SHLD2: variants seen among roughly 807,000 people sequenced by gnomAD.
The protein encoded by SHLD2 is shieldin complex subunit 2.
In SHLD2, 30 loss-of-function variants were observed where a neutral mutation model predicts 73.2. The observed-to-expected ratio is 0.41, with a 90% CI of 0.31 to 0.56. The LOEUF is 0.56. Among genes scored for constraint, SHLD2 ranks in the 20% least tolerant of loss-of-function variants. The probability of loss-of-function intolerance (pLI) is 0.28; values close to 1 mark genes in which losing one functional copy is unlikely to be tolerated. For synonymous variants in SHLD2, 285 were observed against 370.1 expected (o/e 0.77, Z 2.64); for missense variants, 745 against 1,055.9 (o/e 0.71, Z 4.08).
At chr10:87,160,543 A>G (rs1215947328) in intron 4 of SHLD2, among the ~76,000 whole-genome samples, 1 of 152,184 alleles carries the variant, frequency 6.6e-6, no homozygotes, top group Non-Finnish European at 1.5e-5. Context: ...ATACTATATC[A>G]ATAAAATAGA....
At chr10:87,146,210 G>C (rs983256133) in intron 2 of SHLD2, among the ~76,000 whole-genome samples, 7 of 152,180 alleles carry the variant, frequency 4.6e-5, no homozygotes, top group African/African-American at 1.7e-4. Context: ...TCAACCCACA[G>C]CCTGTGGGGC....
At chr10:87,169,766 GA>G (rs1309487634) in intron 4 of SHLD2, among the ~76,000 whole-genome samples, 2 of 151,310 alleles carry the variant, frequency 1.3e-5, no homozygotes, top group South Asian at 2.1e-4. Context: ...TAAAAAGTGA[GA>G]AAAAAAATGA....
chr10:87,150,587 C>T (rs7918448), intron 2 of SHLD2, among the ~76,000 whole-genome samples: 102,498 of 150,186 alleles, frequency 0.68, 35,661 homozygotes, highest in Middle Eastern at 0.89. Flanking sequence ...ATGGTGAAAC[C>T]CCGTCTCTAC....
intron 7 of SHLD2, among the ~76,000 whole-genome samples, chr10:87,179,780 C>T (rs1394477582): frequency 2.0e-5 from 3 of 152,118 alleles, no homozygotes; most frequent in East Asian, 1.9e-4. Flanking sequence ...TTCAAGTATT[C>T]GAAGGGATTT....
At chr10:87,117,185 C>T (rs1368385263) in intron 2 of SHLD2, among the ~76,000 whole-genome samples, 2 of 152,174 alleles carry the variant, frequency 1.3e-5, no homozygotes, top group African/African-American at 4.8e-5. Context: ...TTTGGGAGGC[C>T]GAGGTGGGCG....
chr10:87,117,569 A>G (rs1022361703), intron 2 of SHLD2, among the ~76,000 whole-genome samples: 1 of 152,222 alleles, frequency 6.6e-6, no homozygotes, highest in African/African-American at 2.4e-5. Flanking sequence ...CGAGGTGGGC[A>G]GCTGGCTTGA....
chr10:87,156,000 G>C (rs1295644060), intron 3 of SHLD2, among the ~76,000 whole-genome samples: 3 of 151,246 alleles, frequency 2.0e-5, no homozygotes, highest in Admixed American at 2.0e-4. Context: ...ATGAGGCAGT[G>C]AACTTAGTTG....
chr10:87,143,886 C>T (rs1167374572), intron 2 of SHLD2, among the ~76,000 whole-genome samples: 2 of 128,728 alleles, frequency 1.6e-5, no homozygotes, highest in Admixed American at 8.4e-5. Context: ...TTTTTTGTGA[C>T]GGAGTCTCAC....
chr10:87,127,536 C>G (rs1464670374), intron 2 of SHLD2, among the ~76,000 whole-genome samples: 2 of 65,256 alleles, frequency 3.1e-5, no homozygotes, highest in African/African-American at 1.1e-4. Flanking sequence ...CCCGCCCCCC[C>G]CCACCCCGTC....
intron 2 of SHLD2, among the ~76,000 whole-genome samples, chr10:87,130,940 G>A (rs1330148779): frequency 6.6e-6 from 1 of 152,052 alleles, no homozygotes; most frequent in Non-Finnish European, 1.5e-5. Flanking sequence ...GGTGGTGCAC[G>A]CCTGTGGTCC....
intron 2 of SHLD2, among the ~76,000 whole-genome samples, chr10:87,145,867 A>C (rs1589554928): frequency 6.6e-6 from 1 of 152,206 alleles, no homozygotes; most frequent in Non-Finnish European, 1.5e-5. Flanking sequence ...CTGGTATCTT[A>C]ATGAGCTTTA....
At chr10:87,095,330 C>G (rs1161380596) in intron 1 of SHLD2, 82 bp downstream of exon 1, 1 of 152,068 alleles carries the variant, frequency 6.6e-6, no homozygotes, top group Non-Finnish European at 1.5e-5. Context: ...CTGTAGGGCG[C>G]TCAGAGGCCG....
chr10:87,110,794 T>C (rs1842872185), intron 2 of SHLD2, among the ~76,000 whole-genome samples: 1 of 151,694 alleles, frequency 6.6e-6, no homozygotes, highest in African/African-American at 2.4e-5. Context: ...TTCTTAAATA[T>C]GACTCCAAAA....
At chr10:87,164,231 TGCAGGTGTGAGCCACTGTGCCTG>T (rs1847034551) in intron 4 of SHLD2, among the ~76,000 whole-genome samples, 1 of 151,980 alleles carries the variant, frequency 6.6e-6, no homozygotes, top group Non-Finnish European at 1.5e-5. Flanking sequence ...GTGCTGAGAT[TGCAGGTGTGAGCCACTGTGCCTG>T]GCCTCTCTTT....
intron 2 of SHLD2, among the ~76,000 whole-genome samples, chr10:87,132,687 T>C (rs1032469043): frequency 1.3e-5 from 2 of 152,080 alleles, no homozygotes; most frequent in Admixed American, 6.6e-5. Context: ...GGTGGGAGGA[T>C]AGCTTGAGCC....
At chr10:87,142,736 C>T (rs1226716822) in intron 2 of SHLD2, among the ~76,000 whole-genome samples, 1 of 150,272 alleles carries the variant, frequency 6.7e-6, no homozygotes, top group African/African-American at 2.5e-5. Flanking sequence ...AAAGGAATGT[C>T]AAGGCGTAAG....
At chr10:87,114,650 G>A (rs1416815999) in intron 2 of SHLD2, among the ~76,000 whole-genome samples, 1 of 151,960 alleles carries the variant, frequency 6.6e-6, no homozygotes, top group South Asian at 2.1e-4. Flanking sequence ...ACTTGAACTC[G>A]GGAGGTGGAG....
rs759004181 is a variant in SHLD2 at position 87,152,877 on chromosome 10, C to T, written c.1523C>T (p.Thr508Ile). 3.1e-6 allele frequency: 5 copies of T among 1,610,650 alleles called. No homozygotes were observed. The Admixed American group carries it at 5.0e-5, about 16-fold the overall frequency. The change falls in exon 3 of 10, where the codon ACA becomes ATA. Residue 508 changes from threonine to isoleucine, a missense_variant and splice_region_variant. This residue lies in a region of SHLD2 where 418 missense variants were observed against 567.8 expected (regional missense o/e 0.74). Coordinates refer to ENST00000298786, the MANE Select transcript of SHLD2 (RefSeq NM_001330112.2). Reference sequence around the variant, plus strand: ...TTTCTTGGAGATATAATTTTACTCACAGGTGAGGTCATTATGGTATAGTGG... The same window carrying T: ...TTTCTTGGAGATATAATTTTACTCATAGGTGAGGTCATTATGGTATAGTGG... The part of the protein sequence containing the change: ...TVFLGDIILL[T>I]DVVIHEDQWI...
chr10:87,151,736 A>G lies in SHLD2; in HGVS notation c.382A>G (p.Thr128Ala), dbSNP rs758155969. ...SNMQICGFKSTVPHFTEEEKY... is the reference protein window; with the variant it reads ...SNMQICGFKSAVPHFTEEEKY... ...TATGCAAATATGTGGATTTAAAAGC[A>G]CAGTTCCGCATTTCACCGAAGAAGA... is the stretch of plus-strand genomic sequence containing the variant. The change falls in exon 3 of 10, where the codon ACA becomes GCA. Residue 128 changes from threonine (T) to alanine (A), a missense_variant. This residue lies in a region of SHLD2 where 280 missense variants were observed against 353.9 expected (regional missense o/e 0.79). Transcript: ENST00000298786. The G allele has an allele frequency of 1.2e-6, 2 of 1,612,032 alleles. No homozygotes were observed. The highest frequency in any genetic ancestry group is 2.2e-5 in the South Asian group (2 of 90,990).
Sources: gnomAD v4.1 joint callset for allele counts (sites outside exome capture counted in the v4.1 genomes callset) on GRCh38, gnomAD v4.1.1 for gene constraint, gnomAD v4.1.1 regional missense constraint, MANE v1.5 for transcripts, NCBI Gene and HGNC (gene_info 2026-07-23, HGNC 2026-07-21) for gene names.